Variants in LMF2 observed in about 807,000 individuals in gnomAD.
The protein encoded by LMF2 is lipase maturation factor 2.
LMF2 carries 113 observed loss-of-function variants against 81.5 expected under a neutral mutation model. That is an observed-to-expected ratio of 1.39 (90% CI 1.19 to 1.62). The LOEUF is 1.62. Among genes scored for constraint, LMF2 ranks in the 40% most tolerant of loss-of-function variants. The pLI is 0.00. For synonymous variants in LMF2, 645 were observed against 424.5 expected (o/e 1.52, Z -6.39); for missense variants, 1,235 against 929.1 (o/e 1.33, Z -4.28).
In LMF2 at chr22:50,503,295, G is replaced by A; in HGVS notation, c.*96C>T. The A allele has an allele frequency of 1.5e-6, 2 of 1,352,058 alleles. No homozygotes were observed. The highest frequency in any genetic ancestry group is 2.0e-6 in the Non-Finnish European group (2 of 984,900). 83.8% of individuals were successfully genotyped at this position (1,352,058 alleles called of 1,614,324 possible). The stretch of plus-strand genomic sequence containing the variant: ...CCCAACCTGTGCCTGGCCCTGCAGG[G>A]TCAGCTAAGGCACAGTGGCTGGGTC... On this transcript the variant is annotated 3_prime_UTR_variant, in exon 14 of 14. Transcript: ENST00000474879.
chr22:50,505,777 G>A lies in LMF2; in HGVS notation c.813C>T (p.Tyr271=), dbSNP rs1451708786. The A allele has an allele frequency of 1.2e-6, 2 of 1,613,224 alleles. No individual in the cohort carries two copies. Among genetic ancestry groups the A allele is most frequent in the East Asian group, 2.2e-5 (1 of 44,878 alleles). The change falls in exon 6 of 14, where the codon TAC becomes TAT. Residue 271 remains tyrosine, a synonymous_variant. Coordinates refer to ENST00000474879, the MANE Select transcript of LMF2 (RefSeq NM_033200.3). ...CCAGCGTCATCAGGTTGAAGAAGTTGTAGTTGCCGGTGATGATAATCAGGA... is the reference window on the plus strand; with the variant it reads ...CCAGCGTCATCAGGTTGAAGAAGTTATAGTTGCCGGTGATGATAATCAGGA... ...LQVLIIITGN[Y]NFFNLMTLVL... is the part of the protein sequence containing the mutation.
intron 11 of LMF2, 44 bp from the exon 12 acceptor site, chr22:50,504,495 G>GGGCCCCCCCCCCCCCCCCC: frequency 7.5e-7 from 1 of 1,339,596 alleles, no homozygotes; most frequent in Non-Finnish European, 1.0e-6. Flanking sequence ...TACCCGCCCT[G>GGGCCCCCCCCCCCCCCCCC]CCCCTCCCCT....
At chr22:50,505,959 C>T (rs12169415) in intron 5 of LMF2, 76 bp downstream of exon 5, 3 of 1,560,698 alleles carry the variant, frequency 1.9e-6, no homozygotes, top group Non-Finnish European at 2.6e-6. Flanking sequence ...CCACGCTGTC[C>T]CCAACAGGGC....
At position 50,505,785 on chromosome 22, in the gene LMF2, C is replaced by A. The variant is rs750604911; in HGVS notation, c.805G>T (p.Gly269Cys). Residue 269 changes from glycine to cysteine, a missense_variant, in exon 6 of 14, where the codon GGC becomes TGC. Gly to Cys is a radical substitution (Grantham distance 159). Coordinates refer to ENST00000474879, the MANE Select transcript of LMF2 (RefSeq NM_033200.3). ...ATCAGGTTGAAGAAGTTGTAGTTGC[C>A]GGTGATGATAATCAGGACCTGCAGC... ...VLLQVLIIIT[G>C]NYNFFNLMTL... 4 of 1,613,054 alleles carry A rather than the reference C, an allele frequency of 2.5e-6. No individual in the cohort carries two copies. Among genetic ancestry groups the A allele is most frequent in the Non-Finnish European group, 3.4e-6 (4 of 1,179,932 alleles).
rs774535488 is a variant in LMF2 at position 50,506,741 on chromosome 22, G to A, written c.348+41C>T. ...AAGGTAGAGGCAGGGGTGGGTGGTG[G>A]GGGTTGGAGATAGAGTGAGCTGGTC... On this transcript the variant is annotated intron_variant, in intron 2 of 13. Transcript: ENST00000474879. The A allele has an allele frequency of 1.9e-6, 3 of 1,612,344 alleles. No homozygotes were observed. The African/African-American group carries it at 4.0e-5, about 22-fold the overall frequency.
Position 50,506,506 on chromosome 22 carries a change from TG to T in LMF2, c.378-5del. ...AGTCTCTAGCAGCAGGGAGTCCCTATGGGGAGAGCAAATAGCACCAAGAGCC... is the reference window on the plus strand; with the variant it reads ...AGTCTCTAGCAGCAGGGAGTCCCTATGGGAGAGCAAATAGCACCAAGAGCC... On this transcript the variant is annotated splice_region_variant and splice_polypyrimidine_tract_variant and intron_variant, in intron 3 of 13. Transcript: ENST00000474879. 4 of 1,560,770 alleles carry T rather than the reference TG, an allele frequency of 2.6e-6. No individual in the cohort carries two copies. The highest frequency in any genetic ancestry group is 2.3e-5 in the South Asian group (2 of 85,200).
intron 1 of LMF2, 85 bp downstream of exon 1, chr22:50,507,497 G>A (rs1193432412): frequency 1.8e-6 from 2 of 1,101,302 alleles, no homozygotes; most frequent in Non-Finnish European, 2.7e-6. Context: ...TCCCAACCCC[G>A]GACTGCGTGA....
Position 50,506,298 on chromosome 22 carries a change from C to T in LMF2, c.582G>A (p.Trp194Ter). ...VVKLTSRCPAWWGLTALTYHY... is the reference protein window; with the variant it reads ...VVKLTSRCPA ...CGGGCCCCTCACCAGTGAGCCCCCA[C>T]CACGCAGGGCAGCGGCTGGTCAGCT... Residue 194 changes from tryptophan to a stop codon, truncating the protein, a stop_gained, in exon 4 of 14, where the codon TGG becomes TGA. Coordinates refer to ENST00000474879, the MANE Select transcript of LMF2 (RefSeq NM_033200.3). LOFTEE classifies it high-confidence loss of function. 1 of 1,549,218 alleles carries T rather than the reference C, an allele frequency of 6.5e-7. No individual in the cohort carries two copies. The highest frequency in any genetic ancestry group is 8.7e-7 in the Non-Finnish European group (1 of 1,146,432).
At chr22:50,507,184 T>A in intron 1 of LMF2, 149 bp from the exon 2 acceptor site, 1 of 1,312,338 alleles carries the variant, frequency 7.6e-7, no homozygotes, top group Non-Finnish European at 1.0e-6. Flanking sequence ...CCAGAGCCCG[T>A]CCCCCAGGTC....
Position 50,503,686 on chromosome 22 carries a change from G to A in LMF2, c.1829C>T (p.Pro610Leu), listed in dbSNP as rs373690966. The A allele has an allele frequency of 1.9e-6, 3 of 1,591,256 alleles. No individual in the cohort carries two copies. The Admixed American group carries it at 5.1e-5, about 27-fold the overall frequency. Residue 610 changes from proline to leucine, a missense_variant, in exon 14 of 14, where the codon CCT becomes CTT. Coordinates refer to ENST00000474879, the MANE Select transcript of LMF2 (RefSeq NM_033200.3). The part of the protein sequence containing the change: ...RQFGLQEKSP[P>L]RTRSANSTLA... ...GGTGCTGTTGGCGCTGCGGGTGCGA[G>A]GTGGGCTTTTCTCCTGTGGGAGGGA...
Position 50,506,211 on chromosome 22 carries a change from G to C in LMF2, c.598C>G (p.Leu200Val). 2 of 1,554,878 alleles carry C rather than the reference G, an allele frequency of 1.3e-6. No individual in the cohort carries two copies. Among genetic ancestry groups the C allele is most frequent in the South Asian group, 2.4e-5 (2 of 84,442 alleles). Residue 200 changes from leucine to valine, a missense_variant and splice_region_variant, in exon 5 of 14, where the codon CTC becomes GTC. Transcript: ENST00000474879. ...RCPAWWGLTA[L>V]TYHYETQCLP... Reference sequence around the variant, plus strand: ...CACTGGGTCTCGTAGTGGTAGGTGAGGGCTGCAGGCGAGGGCAGGAGTCAG... The same window carrying C: ...CACTGGGTCTCGTAGTGGTAGGTGACGGCTGCAGGCGAGGGCAGGAGTCAG...
Position 50,505,385 on chromosome 22 carries a change from C to A in LMF2, c.1051+18G>T, listed in dbSNP as rs1315661539. 6.2e-7 allele frequency: 1 copy of A among 1,613,252 alleles called. No individual in the cohort carries two copies. Among genetic ancestry groups the A allele is most frequent in the South Asian group, 1.1e-5 (1 of 91,088 alleles). On this transcript the variant is annotated intron_variant, in intron 7 of 13. Transcript: ENST00000474879. ...CTGGTCCGCCCCTGCCCTCTGGCCC[C>A]CCCAGGTCGGCACTCACTGGTTCTG...
At chr22:50,505,606 G>A in intron 6 of LMF2, 68 bp downstream of exon 6, 1 of 1,611,144 alleles carries the variant, frequency 6.2e-7, no homozygotes, top group Non-Finnish European at 8.5e-7. Context: ...AGCTAGAGTG[G>A]GAGTCCTGTG....
chr22:50,503,215 G>T lies in LMF2; in HGVS notation c.*176C>A. 1 of 593,022 alleles carries T rather than the reference G, an allele frequency of 1.7e-6. No homozygotes were observed. Among genetic ancestry groups the T allele is most frequent in the Non-Finnish European group, 2.8e-6 (1 of 351,950 alleles). 36.7% of individuals were successfully genotyped at this position (593,022 alleles called of 1,614,324 possible). On this transcript the variant is annotated 3_prime_UTR_variant, in exon 14 of 14. Coordinates refer to ENST00000474879, the MANE Select transcript of LMF2 (RefSeq NM_033200.3). ...TCCTGGGGAGGGGCATGGCTGGCGT[G>T]GGGGTGGGGCCTGGAGCCCTCAATG...
rs373075701 is a variant in LMF2, at chr22:50,506,351, G to A, written c.529C>T (p.Arg177Cys). The change falls in exon 4 of 14, where the codon CGC becomes TGC. Residue 177 changes from arginine (R) to cysteine (C), a missense_variant. Coordinates refer to ENST00000474879, the MANE Select transcript of LMF2 (RefSeq NM_033200.3). ...ACCACGCCTGAGGCGAACATGAGGC[G>A]GAACAGCAGCCATCGCACCAGCCAG... ...PFWLVRWLLFRLMFASGVVKL... is the reference protein window; with the variant it reads ...PFWLVRWLLFCLMFASGVVKL... 1.1e-4 allele frequency: 176 copies of A among 1,549,610 alleles called. No individual in the cohort carries two copies. Among genetic ancestry groups the A allele is most frequent in the Non-Finnish European group, 1.4e-4 (161 of 1,146,924 alleles).
Position 50,506,643 on chromosome 22 carries a change from G to T in LMF2, c.372C>A (p.Phe124Leu). The T allele has an allele frequency of 6.2e-7, 1 of 1,613,182 alleles. No homozygotes were observed. Among genetic ancestry groups the T allele is most frequent in the Non-Finnish European group, 8.5e-7 (1 of 1,179,772 alleles). ...CAGGCCCAGCCGTCACTCACCACTG[G>T]AAATAAAGGAACACCTGGCCCACCT... Reference protein sequence around the residue: ...ACQVGQVFLYFQWDSLLLETG... With the variant: ...ACQVGQVFLYLQWDSLLLETG... The change falls in exon 3 of 14, where the codon TTC becomes TTA. Residue 124 changes from phenylalanine to leucine, a missense_variant. Coordinates refer to ENST00000474879, the MANE Select transcript of LMF2 (RefSeq NM_033200.3).
chr22:50,505,569 G>A (rs901778639), intron 6 of LMF2, 32 bp from the exon 7 acceptor site: 1 of 1,612,110 alleles, frequency 6.2e-7, no homozygotes, highest in Non-Finnish European at 8.5e-7. Flanking sequence ...GGTCAGCAGA[G>A]GGTCCCCAGC....
chr22:50,505,804 C>A lies in LMF2; in HGVS notation c.786G>T (p.Gln262His). The part of the protein sequence containing the change: ...LAAFYSQVLL[Q>H]VLIIITGNYN... ...AGTTGCCGGTGATGATAATCAGGAC[C>A]TGCAGCAGCACCTGGGGGCGGCCCG... Residue 262 changes from glutamine to histidine, a missense_variant, in exon 6 of 14, where the codon CAG becomes CAT. Gln to His is a conservative substitution (Grantham distance 24). Transcript: ENST00000474879. 6.2e-7 allele frequency: 1 copy of A among 1,613,056 alleles called. No individual in the cohort carries two copies. The highest frequency in any genetic ancestry group is 8.5e-7 in the Non-Finnish European group (1 of 1,179,908).
chr22:50,504,947 C>A lies in LMF2; in HGVS notation c.1292G>T (p.Arg431Leu). Residue 431 changes from arginine (R) to leucine (L), a missense_variant, in exon 10 of 14, where the codon CGC (arginine) becomes CTC (leucine). Transcript: ENST00000474879. Reference sequence around the variant, plus strand: ...CAGGCGGTGGGCCCCGGTCCAGAGGCGCCCGTGGGTCCCGGGCTCCACGTA... The same window carrying A: ...CAGGCGGTGGGCCCCGGTCCAGAGGAGCCCGTGGGTCCCGGGCTCCACGTA... The part of the protein sequence containing the change: ...YSYVEPGTHG[R>L]LWTGAHRLFG... The A allele has an allele frequency of 2.5e-6, 4 of 1,607,238 alleles. No homozygotes were observed. Among genetic ancestry groups the A allele is most frequent in the Admixed American group, 1.7e-5 (1 of 59,528 alleles).
Sources: gnomAD v4.1 joint callset for allele counts on GRCh38, gnomAD v4.1.1 for gene constraint, MANE v1.5 for transcripts, NCBI Gene and HGNC (gene_info 2026-07-23, HGNC 2026-07-21) for gene names.